The following DGKZ variants were observed in gnomAD, a reference collection of about 807,000 sequenced individuals.
The protein encoded by DGKZ is diacylglycerol kinase zeta.
Under a neutral mutation model 142.5 loss-of-function variants are expected in DGKZ, and 45 were observed. The ratio of observed to expected loss-of-function variants is 0.32; its 90% CI spans 0.25 to 0.40. The LOEUF (loss-of-function observed/expected upper bound fraction) is 0.40, where lower values mean the gene tolerates loss of function less well. Among genes scored for constraint, DGKZ ranks in the 10% least tolerant of loss-of-function variants. The pLI, the probability that DGKZ is intolerant of heterozygous loss-of-function variation, is 1.00. For missense variants in DGKZ, 755 were observed against 1,306.5 expected (o/e 0.58, Z 6.51); for synonymous variants, 442 against 527.0 (o/e 0.84, Z 2.21).
intron 1 of DGKZ, among the ~76,000 whole-genome samples, chr11:46,351,011 C>T (rs889592414): frequency 2.0e-5 from 3 of 151,998 alleles, no homozygotes; most frequent in Non-Finnish European, 2.9e-5. Flanking sequence ...ACTCTGATCC[C>T]AGGGTATTTA....
In DGKZ at chr11:46,347,984, A is replaced by G. The variant is rs920913156; in HGVS notation, c.161+164A>G. ...ACGAGCCGTCTTGGCGTGGGCACCC[A>G]CTGGGAGTCATCCCCCAGGGCCGGG... On this transcript the variant is annotated intron_variant, in intron 1 of 30. Coordinates refer to ENST00000527911, the Ensembl canonical transcript of DGKZ. The surrounding 1 kb of genome is among the most constrained non-coding windows in gnomAD (Gnocchi z 6.4). Among the ~76,000 whole-genome samples the G allele has an allele frequency of 6.6e-6, 1 of 152,090 alleles. No homozygotes were observed. The highest frequency in any genetic ancestry group is 1.9e-4 in the East Asian group (1 of 5,176).
chr11:46,334,826 G>A (rs904482979), intron 1 of DGKZ, among the ~76,000 whole-genome samples: 17 of 152,194 alleles, frequency 1.1e-4, no homozygotes, highest in African/African-American at 3.6e-4. Context: ...GGGACTCACA[G>A]GGGATGCAGC....
At position 46,347,974 on chromosome 11, in the gene DGKZ, G is replaced by T. The variant is rs976918359; in HGVS notation, c.161+154G>T. On this transcript the variant is annotated intron_variant, in intron 1 of 30. Coordinates refer to ENST00000527911, the Ensembl canonical transcript of DGKZ. This position sits in a 1 kb window ranked among gnomAD's most constrained non-coding sequence, Gnocchi z 6.4. The stretch of plus-strand genomic sequence containing the variant: ...CACCGGCGGCACGAGCCGTCTTGGC[G>T]TGGGCACCCACTGGGAGTCATCCCC... Among the ~76,000 whole-genome samples the T allele has an allele frequency of 7.2e-5, 11 of 152,154 alleles. No homozygotes were observed. The highest frequency in any genetic ancestry group is 2.2e-4 in the African/African-American group (9 of 41,434).
At position 46,338,237 on chromosome 11, in the gene DGKZ, C is replaced by T. The variant is rs1940103827; in HGVS notation, c.212+4750C>T. 3.9e-5 allele frequency among the ~76,000 whole-genome samples: 6 copies of T among 152,260 alleles called. No individual in the cohort carries two copies. The South Asian group carries it at 1.2e-3, about 32-fold the overall frequency. On this transcript the variant is annotated intron_variant, in intron 1 of 30. Coordinates refer to the DGKZ transcript ENST00000343674. ...TCTTGCCGGGCGTGGTGGCTCACGC[C>T]TGTAATCTCCGCACTTTGGGAGGCT... is the stretch of plus-strand genomic sequence containing the variant.
chr11:46,374,580 G>A, intron 16 of DGKZ, 24 bp from the exon 17 acceptor site: 1 of 1,593,478 alleles, frequency 6.3e-7, no homozygotes, highest in East Asian at 2.2e-5. Flanking sequence ...GTCAGCAGAT[G>A]GTGACGCCCT....
In DGKZ at chr11:46,379,017, C is replaced by T. The variant is rs148565335; in HGVS notation, c.2445C>T (p.Gly815=). Residue 815 remains glycine, a synonymous_variant, in exon 28 of 31, where the codon GGC becomes GGT. Transcript: ENST00000527911. ...TCCAGGAGCTGCACCGAGCTGGGGG[C>T]GACCTCATGCACCGAGACGAGCAGA... The T allele has an allele frequency of 3.8e-6, 6 of 1,581,898 alleles. No individual in the cohort carries two copies. The African/African-American group carries it at 5.4e-5, about 14-fold the overall frequency.
Position 46,372,438 on chromosome 11 carries a change from TCATC to T in DGKZ, c.941_944del (p.Ile314SerfsTer15). 1 of 1,613,874 alleles carries T rather than the reference TCATC, an allele frequency of 6.2e-7. No individual in the cohort carries two copies. The highest frequency in any genetic ancestry group is 8.5e-7 in the Non-Finnish European group (1 of 1,179,988). ...CCCCATCCCATCCAGGGTGCAAAGATCATCCAGTCTTTCCTCTGGTATCTCAATC... is the reference window on the plus strand; with the variant it reads ...CCCCATCCCATCCAGGGTGCAAAGATCAGTCTTTCCTCTGGTATCTCAATC... On this transcript the variant is annotated frameshift_variant, in exon 11 of 31. Transcript: ENST00000527911. LOFTEE classifies it high-confidence loss of function. The surrounding 1 kb of genome is among the most constrained non-coding windows in gnomAD (Gnocchi z 5.9).
intron 1 of DGKZ, among the ~76,000 whole-genome samples, chr11:46,359,690 G>A (rs113978347): frequency 2.0e-5 from 3 of 151,726 alleles, no homozygotes; most frequent in Non-Finnish European, 2.9e-5. Context: ...TGCAGCCTCC[G>A]CTTCCCAGGT....
exon 1 of DGKZ, chr11:46,333,091 TC>T: frequency 2.2e-6 from 1 of 451,662 alleles, no homozygotes; most frequent in Non-Finnish European, 3.5e-6. Context: ...GGCCCGCCTC[TC>T]CCAGGCGCAG....
At chr11:46,362,377 C>A (rs904211627) in intron 1 of DGKZ, among the ~76,000 whole-genome samples, 1 of 152,172 alleles carries the variant, frequency 6.6e-6, no homozygotes, top group Non-Finnish European at 1.5e-5. Flanking sequence ...CTGTGGCCGG[C>A]TCTGTTCCTC....
upstream of DGKZ, among the ~76,000 whole-genome samples, chr11:46,342,576 C>G (rs1564993194): frequency 6.6e-6 from 1 of 152,216 alleles, no homozygotes; most frequent in African/African-American, 2.4e-5. Context: ...GACACAGTCT[C>G]CGATGAGGCC....
Position 46,347,688 on chromosome 11 carries a change from C to T in DGKZ, c.29C>T (p.Ala10Val), listed in dbSNP as rs76656670. The T allele has an allele frequency of 9.4e-6, 13 of 1,386,500 alleles. No homozygotes were observed. Among genetic ancestry groups the T allele is most frequent in the Non-Finnish European group, 1.2e-5 (13 of 1,058,122 alleles). 85.9% of individuals were successfully genotyped at this position (1,386,500 alleles called of 1,614,324 possible). The stretch of plus-strand genomic sequence containing the variant: ...GAGCCGCGGGACGGTAGCCCCGAGG[C>T]CCGGAGCAGCGACTCCGAGTCGGCT... The change falls in exon 1 of 31, where the codon GCC (alanine) becomes GTC (valine). Residue 10 changes from alanine to valine, a missense_variant. Around this residue, in one of 8 missense-constraint regions of DGKZ, gnomAD observed 28 missense variants for 92.8 expected, o/e 0.30. Coordinates refer to ENST00000527911, the Ensembl canonical transcript of DGKZ. The surrounding 1 kb of genome is among the most constrained non-coding windows in gnomAD (Gnocchi z 6.4).
chr11:46,340,596 C>T (rs1018849058), intron 1 of DGKZ, among the ~76,000 whole-genome samples: 2 of 152,210 alleles, frequency 1.3e-5, no homozygotes, highest in African/African-American at 4.8e-5. Flanking sequence ...GGTCTCCAGC[C>T]CCTCCTCCAG....
chr11:46,336,127 G>A (rs1940000658), intron 1 of DGKZ, among the ~76,000 whole-genome samples: 1 of 152,230 alleles, frequency 6.6e-6, no homozygotes. Context: ...CGGGCTGAAG[G>A]CCTGGCTGCT....
exon 1 of DGKZ, chr11:46,333,437 G>C (rs776370030): frequency 6.5e-7 from 1 of 1,531,178 alleles, no homozygotes; most frequent in African/African-American, 1.4e-5. Context: ...CTGGGCCCCC[G>C]GTGGAGGAGC....
At chr11:46,368,047 G>T in exon 4 of DGKZ, 1 of 1,614,080 alleles carries the variant, frequency 6.2e-7, no homozygotes, top group Non-Finnish European at 8.5e-7. Flanking sequence ...CAAGATTGTG[G>T]TGCACACGCC....
rs1375602386 is a variant in DGKZ at position 46,347,591 on chromosome 11, C to T, written c.-69C>T. 61 of 1,152,762 alleles carry T rather than the reference C, an allele frequency of 5.3e-5. No homozygotes were observed. Among genetic ancestry groups the T allele is most frequent in the Non-Finnish European group, 6.2e-5 (58 of 937,462 alleles). The allele number at this position is 1,152,762 out of a possible 1,614,324, so 71.4% of individuals were successfully genotyped here. On this transcript the variant is annotated 5_prime_UTR_variant, in exon 1 of 31. Transcript: ENST00000527911. The surrounding 1 kb of genome is among the most constrained non-coding windows in gnomAD (Gnocchi z 6.4). ...TGGCGGGCGGCGCGGAGCGGGCGTGCTGAGCCCCGGCCGCCGGCCCGGCAT... is the reference window on the plus strand; with the variant it reads ...TGGCGGGCGGCGCGGAGCGGGCGTGTTGAGCCCCGGCCGCCGGCCCGGCAT...
At chr11:46,363,094 G>A (rs1942851283) in intron 1 of DGKZ, among the ~76,000 whole-genome samples, 1 of 152,230 alleles carries the variant, frequency 6.6e-6, no homozygotes, top group South Asian at 2.1e-4. Flanking sequence ...GCGAGGTGGA[G>A]GTGACCAAGA....
chr11:46,362,480 A>G (rs1942778984), intron 1 of DGKZ, among the ~76,000 whole-genome samples: 1 of 151,988 alleles, frequency 6.6e-6, no homozygotes, highest in South Asian at 2.1e-4. Context: ...AGGTAGCACA[A>G]TCACATGCTC....
Sources: allele counts gnomAD v4.1 joint callset (sites outside exome capture counted in the v4.1 genomes callset), GRCh38; gene constraint gnomAD v4.1.1; regional missense constraint gnomAD v4.1.1; non-coding constraint Gnocchi (gnomAD v3.1); transcripts MANE v1.5; gene names NCBI Gene and HGNC (gene_info 2026-07-23, HGNC 2026-07-21).